Variants in ACYP2 observed in about 807,000 individuals in gnomAD.
ACYP2 encodes the protein acylphosphatase-2.
A neutral mutation model predicts 11.2 loss-of-function variants in ACYP2; 12 were observed. The observed-to-expected ratio is 1.08, with a 90% confidence interval of 0.69 to 1.74. The LOEUF (loss-of-function observed/expected upper bound fraction) is 1.74. Among genes scored for constraint, ACYP2 ranks in the 40% most tolerant of loss-of-function variants. ACYP2 has a pLI of 0.00. For synonymous variants in ACYP2, 43 were observed against 32.2 expected, an observed-to-expected ratio of 1.33 and a Z score of -1.13; for missense variants, 134 against 101.9, an observed-to-expected ratio of 1.31 and a Z score of -1.35.
At chr2:54,067,752 C>A (rs1676818201) in intron 4 of ACYP2, among the ~76,000 whole-genome samples, 1 of 152,044 alleles carries the variant, frequency 6.6e-6, no homozygotes, top group African/African-American at 2.4e-5. Flanking sequence ...CTAATATATC[C>A]AAAGACTAGC....
At chr2:54,276,663 C>A (rs972134429) in intron 6 of ACYP2, among the ~76,000 whole-genome samples, 155 of 105,884 alleles carry the variant, frequency 1.5e-3, no homozygotes, top group African/African-American at 4.9e-3. Context: ...ACACACACAC[C>A]ACACACAAGA....
At chr2:54,220,045 T>C (rs1287484188) in intron 6 of ACYP2, among the ~76,000 whole-genome samples, 2 of 151,312 alleles carry the variant, frequency 1.3e-5, no homozygotes, top group African/African-American at 4.9e-5. Context: ...CTGGCCAAGT[T>C]CAAAACACTT....
At chr2:53,976,633 A>G (rs1187368763) in intron 2 of ACYP2, among the ~76,000 whole-genome samples, 1 of 125,160 alleles carries the variant, frequency 8.0e-6, no homozygotes, top group African/African-American at 2.9e-5. Flanking sequence ...AAGATTTGGG[A>G]GGAAAAAAAG....
intron 6 of ACYP2, among the ~76,000 whole-genome samples, chr2:54,210,983 TTTCA>T (rs1465202169): frequency 1.3e-5 from 2 of 152,188 alleles, no homozygotes; most frequent in Non-Finnish European, 2.9e-5. Flanking sequence ...CACTGGTCTC[TTTCA>T]CCTCTCTGCT....
chr2:53,984,446 G>C (rs1296507009), intron 2 of ACYP2, among the ~76,000 whole-genome samples: 2 of 151,746 alleles, frequency 1.3e-5, no homozygotes, highest in African/African-American at 4.8e-5. Context: ...GTGTGGTGGT[G>C]CATGCCTGTA....
chr2:54,216,041 T>G (rs1408256485), intron 6 of ACYP2, among the ~76,000 whole-genome samples: 1 of 152,198 alleles, frequency 6.6e-6, no homozygotes, highest in Non-Finnish European at 1.5e-5. Flanking sequence ...GTTTTAACAC[T>G]AAAGACTTTA....
intron 2 of ACYP2, among the ~76,000 whole-genome samples, chr2:54,009,192 T>C (rs2104534934): frequency 6.6e-6 from 1 of 151,782 alleles, no homozygotes; most frequent in South Asian, 2.1e-4. Context: ...ATTTGAGGAC[T>C]CGAGGAAAGT....
rs200033052 is a variant in ACYP2 at position 54,034,780 on chromosome 2, G to GT, written c.63-16178_63-16177insT. ...AATCCCAGCACTTTGGGAGGCCGAG[G>GT]CGGGTGGATCACGAGGTCAGGCATT... On this transcript the variant is annotated intron_variant, in intron 2 of 6. Coordinates refer to ENST00000607452, the MANE Select transcript of ACYP2 (RefSeq NM_001320586.2). 3.4e-4 allele frequency among the ~76,000 whole-genome samples: 51 copies of GT among 152,174 alleles called. 2 individuals carry two copies. The highest frequency in any genetic ancestry group is 1.2e-3 in the African/African-American group (50 of 41,512).
intron 6 of ACYP2, among the ~76,000 whole-genome samples, chr2:54,252,772 C>T (rs886676117): frequency 2.0e-5 from 3 of 152,036 alleles, no homozygotes; most frequent in African/African-American, 7.2e-5. Flanking sequence ...GGCGTGGTTG[C>T]GGGCACCTGT....
chr2:54,007,978 T>G (rs1673167527), intron 2 of ACYP2, among the ~76,000 whole-genome samples: 1 of 152,242 alleles, frequency 6.6e-6, no homozygotes, highest in Non-Finnish European at 1.5e-5. Flanking sequence ...TTCCCAAAGT[T>G]AGCTCGGCCT....
At chr2:54,009,273 T>A (rs1381849929) in intron 2 of ACYP2, among the ~76,000 whole-genome samples, 1 of 151,988 alleles carries the variant, frequency 6.6e-6, no homozygotes, top group East Asian at 1.9e-4. Flanking sequence ...TTTGAAAAAT[T>A]CCTGGCTGGA....
chr2:54,051,369 TA>T, intron 3 of ACYP2: 1 of 756,318 alleles, frequency 1.3e-6, no homozygotes. Flanking sequence ...CCATGTCTGC[TA>T]AAGAGAAAAG....
At chr2:54,163,667 C>T (rs1037511832) in intron 6 of ACYP2, among the ~76,000 whole-genome samples, 9 of 151,840 alleles carry the variant, frequency 5.9e-5, no homozygotes, top group African/African-American at 1.9e-4. Flanking sequence ...CCAGCCTGGC[C>T]AATGTGGTGA....
At chr2:54,026,979 C>T (rs1039542567) in intron 2 of ACYP2, among the ~76,000 whole-genome samples, 15 of 152,088 alleles carry the variant, frequency 9.9e-5, no homozygotes, top group South Asian at 2.1e-4. Flanking sequence ...GTGATGTGTG[C>T]GCCAAAACCT....
At chr2:54,003,645 A>G (rs1401054880) in intron 2 of ACYP2, among the ~76,000 whole-genome samples, 16 of 152,178 alleles carry the variant, frequency 1.1e-4, no homozygotes, top group Admixed American at 9.8e-4. Context: ...ATTGTAAGGT[A>G]TCTTGTTTTT....
intron 6 of ACYP2, among the ~76,000 whole-genome samples, chr2:54,227,410 G>GTGGGCAGATCACGAGGTCAGGAGA (rs1405212864): frequency 1.3e-5 from 2 of 152,098 alleles, no homozygotes; most frequent in African/African-American, 4.8e-5. Flanking sequence ...GGAGGTCAAT[G>GTGGGCAGATCACGAGGTCAGGAGA]TGGGCAGATC....
chr2:54,028,795 G>C (rs1191354294), intron 2 of ACYP2, among the ~76,000 whole-genome samples: 1 of 152,112 alleles, frequency 6.6e-6, no homozygotes, highest in Non-Finnish European at 1.5e-5. Flanking sequence ...ACCATCTGTA[G>C]TTCATTGCAT....
intron 6 of ACYP2, among the ~76,000 whole-genome samples, chr2:54,176,456 G>C (rs200889597): frequency 1.3e-5 from 2 of 152,330 alleles, no homozygotes; most frequent in East Asian, 3.9e-4. Context: ...GTGGACTGCT[G>C]TCTGAACTTT....
chr2:54,186,756 C>G (rs999682675), intron 6 of ACYP2, among the ~76,000 whole-genome samples: 1 of 152,120 alleles, frequency 6.6e-6, no homozygotes, highest in African/African-American at 2.4e-5. Flanking sequence ...TCAGGTGATC[C>G]ACCTGCCTCA....
Sources: allele counts gnomAD v4.1 joint callset (sites outside exome capture counted in the v4.1 genomes callset), GRCh38; gene constraint gnomAD v4.1.1; transcripts MANE v1.5; gene names NCBI Gene and HGNC (gene_info 2026-07-23, HGNC 2026-07-21).